ANKS6: variants seen among roughly 807,000 people sequenced by gnomAD.
ANKS6 encodes the protein ankyrin repeat and sterile alpha motif domain containing 6.
ANKS6 carries 47 observed loss-of-function variants against 77.9 expected under a neutral mutation model. The ratio of observed to expected loss-of-function variants is 0.60; its 90% CI spans 0.48 to 0.77. ANKS6 has a LOEUF of 0.77. ANKS6 is among the 30% of genes least tolerant of loss of function. The pLI is 0.00. For missense variants in ANKS6, 1,150 were observed against 1,159.1 expected (o/e 0.99, Z 0.11); for synonymous variants, 488 against 501.7 (o/e 0.97, Z 0.37).
chr9:98,746,869 C>T (rs1334862511), intron 13 of ANKS6, among the ~76,000 whole-genome samples: 2 of 152,194 alleles, frequency 1.3e-5, no homozygotes, highest in Non-Finnish European at 2.9e-5. Flanking sequence ...ACAAATCAGA[C>T]TCCAACAACA....
At chr9:98,780,468 AGGCACC>A in intron 5 of ANKS6, 131 bp from the exon 6 acceptor site, 1 of 1,092,700 alleles carries the variant, frequency 9.2e-7, no homozygotes, top group South Asian at 1.7e-5. Context: ...TCCAGAATCA[AGGCACC>A]TGCCTCTCCA....
intron 1 of ANKS6, among the ~76,000 whole-genome samples, chr9:98,794,879 A>C (rs1040828244): frequency 6.6e-6 from 1 of 152,068 alleles, no homozygotes; most frequent in Non-Finnish European, 1.5e-5. Context: ...GGGCCTTCTA[A>C]ATCACAATCT....
intron 11 of ANKS6, among the ~76,000 whole-genome samples, chr9:98,758,747 T>G (rs1320715409): frequency 6.6e-6 from 1 of 152,248 alleles, no homozygotes; most frequent in Admixed American, 6.5e-5. Context: ...ATTCTGTCTC[T>G]GACAGTAAAA....
intron 1 of ANKS6, among the ~76,000 whole-genome samples, chr9:98,794,113 G>GCACTCCA (rs1325368471): frequency 7.5e-6 from 1 of 132,802 alleles, no homozygotes; most frequent in Non-Finnish European, 1.5e-5. Flanking sequence ...TCACGCCACT[G>GCACTCCA]CACTCCAGCC....
intron 9 of ANKS6, among the ~76,000 whole-genome samples, chr9:98,772,124 A>G (rs1833673705): frequency 6.6e-6 from 1 of 152,240 alleles, no homozygotes; most frequent in Non-Finnish European, 1.5e-5. Flanking sequence ...CTTATGAGGC[A>G]TGAGAATGAG....
chr9:98,736,822 G>A (rs145069631), intron 14 of ANKS6, among the ~76,000 whole-genome samples, 199 bp from the exon 15 acceptor site: 262 of 152,188 alleles, frequency 1.7e-3, no homozygotes, highest in Middle Eastern at 0.01. Flanking sequence ...ACCCACCATC[G>A]CAGCCTGTCA....
At chr9:98,758,235 A>T (rs1029340546) in intron 11 of ANKS6, among the ~76,000 whole-genome samples, 1 of 151,170 alleles carries the variant, frequency 6.6e-6, no homozygotes, top group Non-Finnish European at 1.5e-5. Flanking sequence ...ATCCAATATT[A>T]CTGTTATTTT....
intron 11 of ANKS6, among the ~76,000 whole-genome samples, chr9:98,763,667 G>GA (rs1355185006): frequency 6.6e-6 from 1 of 151,770 alleles, no homozygotes; most frequent in Non-Finnish European, 1.5e-5. Flanking sequence ...GAAAAACAGA[G>GA]AAAATCAATA....
intron 11 of ANKS6, among the ~76,000 whole-genome samples, chr9:98,762,804 T>C (rs1260445745): frequency 6.6e-6 from 1 of 152,146 alleles, no homozygotes; most frequent in Non-Finnish European, 1.5e-5. Flanking sequence ...AGGATTTTTA[T>C]ATTTATATTC....
Position 98,735,256 on chromosome 9 carries a change from G to C in ANKS6, c.*1263C>G. On this transcript the variant is annotated 3_prime_UTR_variant, in exon 15 of 15. Coordinates refer to ENST00000353234, the MANE Select transcript of ANKS6 (RefSeq NM_173551.5). ...GCACAAGGTCTGCCCACTCTACCATGCTGCCTCTCAATGTCGGGACCATCT... is the reference window on the plus strand; with the variant it reads ...GCACAAGGTCTGCCCACTCTACCATCCTGCCTCTCAATGTCGGGACCATCT... 11 of 988,342 alleles carry C rather than the reference G, an allele frequency of 1.1e-5. No homozygotes were observed. Among genetic ancestry groups the C allele is most frequent in the Non-Finnish European group, 1.2e-5 (10 of 832,010 alleles). 61.2% of individuals were successfully genotyped at this position (988,342 alleles called of 1,614,324 possible). A position where few individuals can be genotyped will look rare whatever the true frequency, so the allele number is the denominator to read the frequency against.
intron 8 of ANKS6, among the ~76,000 whole-genome samples, chr9:98,775,259 T>C (rs557704571): frequency 2.6e-5 from 4 of 152,232 alleles, no homozygotes; most frequent in Non-Finnish European, 5.9e-5. Flanking sequence ...GACCCAGGAA[T>C]TCCATTTCTA....
chr9:98,745,807 G>C, intron 13 of ANKS6, 132 bp from the exon 14 acceptor site: 1 of 678,174 alleles, frequency 1.5e-6, no homozygotes. Context: ...CTACTTCTAA[G>C]TCCTGACTTT....
chr9:98,739,865 C>T (rs1471582150), intron 14 of ANKS6, among the ~76,000 whole-genome samples: 1 of 140,720 alleles, frequency 7.1e-6, no homozygotes, highest in Non-Finnish European at 1.5e-5. Flanking sequence ...ACGCCATTCT[C>T]CTGCCTCAGC....
In ANKS6 at chr9:98,733,566, G is replaced by C. The variant is rs983475330; in HGVS notation, c.*2953C>G. ...CCTGACCCACTTCCAGGGCTGCAAG[G>C]CCTCTTGGTTGCCGCTGTTCCAGAA... On this transcript the variant is annotated 3_prime_UTR_variant, in exon 15 of 15. Coordinates refer to ENST00000353234, the MANE Select transcript of ANKS6 (RefSeq NM_173551.5). 5 of 985,392 alleles carry C rather than the reference G, an allele frequency of 5.1e-6. No homozygotes were observed. Among genetic ancestry groups the C allele is most frequent in the African/African-American group, 3.5e-5 (2 of 57,258 alleles). 61.0% of individuals were successfully genotyped at this position (985,392 alleles called of 1,614,324 possible). A position where few individuals can be genotyped will look rare whatever the true frequency, so the allele number is the denominator to read the frequency against.
chr9:98,783,173 C>T (rs2118123092), intron 4 of ANKS6, among the ~76,000 whole-genome samples: 1 of 152,054 alleles, frequency 6.6e-6, no homozygotes, highest in South Asian at 2.1e-4. Flanking sequence ...AACAGCTCTG[C>T]CCAAAAATCA....
chr9:98,787,595 C>A (rs1305628674), intron 2 of ANKS6, among the ~76,000 whole-genome samples: 1 of 152,192 alleles, frequency 6.6e-6, no homozygotes, highest in Admixed American at 6.5e-5. Flanking sequence ...ATGAATGTAT[C>A]ATCAATCAAA....
chr9:98,768,041 T>C, intron 11 of ANKS6, 40 bp downstream of exon 11: 1 of 1,569,468 alleles, frequency 6.4e-7, no homozygotes, highest in Non-Finnish European at 8.6e-7. Flanking sequence ...TAGAACAGAA[T>C]CTGTGAGTGT....
chr9:98,775,694 A>G (rs2118066136), intron 8 of ANKS6, among the ~76,000 whole-genome samples: 1 of 152,322 alleles, frequency 6.6e-6, no homozygotes, highest in South Asian at 2.1e-4. Flanking sequence ...TACTCAAAAG[A>G]CATATCCATA....
At chr9:98,789,428 T>TTA (rs1554750288) in intron 2 of ANKS6, among the ~76,000 whole-genome samples, 2 of 129,994 alleles carry the variant, frequency 1.5e-5, no homozygotes, top group South Asian at 2.6e-4. Flanking sequence ...GGCAAGAAGT[T>TTA]AAAAAAAAAA....
Sources: gnomAD v4.1 joint callset for allele counts (sites outside exome capture counted in the v4.1 genomes callset) on GRCh38, gnomAD v4.1.1 for gene constraint, MANE v1.5 for transcripts, NCBI Gene and HGNC (gene_info 2026-07-23, HGNC 2026-07-21) for gene names.